USP34: variants seen among roughly 807,000 people sequenced by gnomAD.
USP34 encodes ubiquitin carboxyl-terminal hydrolase 34.
A neutral mutation model predicts 460.3 loss-of-function variants in USP34; 70 were observed. The observed-to-expected ratio is 0.15, with a 90% CI of 0.13 to 0.19. The LOEUF (loss-of-function observed/expected upper bound fraction) is 0.19. Among genes scored for constraint, USP34 ranks in the 10% least tolerant of loss-of-function variants. The pLI is 1.00. For missense variants in USP34, 3,985 were observed against 4,236.2 expected (o/e 0.94, Z 1.65); for synonymous variants, 1,647 against 1,405.3 (o/e 1.17, Z -3.85).
chr2:61,315,544 T>A (rs1024320513), intron 23 of USP34, among the ~76,000 whole-genome samples: 1 of 152,094 alleles, frequency 6.6e-6, no homozygotes. Flanking sequence ...TGGCTAATTT[T>A]TTTGTATTTT....
chr2:61,253,705 T>C (rs1365262109), intron 48 of USP34, among the ~76,000 whole-genome samples: 1 of 152,096 alleles, frequency 6.6e-6, no homozygotes, highest in Non-Finnish European at 1.5e-5. Flanking sequence ...CCAAGACTCT[T>C]TCTGGCTACT....
chr2:61,279,110 T>TA (rs1022360294), intron 39 of USP34, among the ~76,000 whole-genome samples: 2 of 151,690 alleles, frequency 1.3e-5, no homozygotes, highest in African/African-American at 4.8e-5. Context: ...TTTTTTTTTT[T>TA]AAAGTACAAT....
chr2:61,354,051 T>C (rs1159860936), intron 10 of USP34, among the ~76,000 whole-genome samples: 1 of 152,206 alleles, frequency 6.6e-6, no homozygotes, highest in African/African-American at 2.4e-5. Context: ...CACATTCATT[T>C]TGGAAATCCC....
At chr2:61,336,591 C>G (rs1272978592) in intron 18 of USP34, among the ~76,000 whole-genome samples, 1 of 151,554 alleles carries the variant, frequency 6.6e-6, no homozygotes, top group African/African-American at 2.4e-5. Context: ...AAGCAGATCA[C>G]TTGAGGTCGG....
At chr2:61,465,984 A>C (rs1230789202) in intron 1 of USP34, among the ~76,000 whole-genome samples, 1 of 151,980 alleles carries the variant, frequency 6.6e-6, no homozygotes, top group Admixed American at 6.6e-5. Flanking sequence ...CTCAAAAAAA[A>C]ATAAAATAAA....
intron 1 of USP34, among the ~76,000 whole-genome samples, chr2:61,451,145 C>G (rs548134025): frequency 1.4e-3 from 191 of 131,932 alleles, no homozygotes; most frequent in South Asian, 9.1e-3. Context: ...CACTTGAACC[C>G]GAGAGGTGGA....
intron 1 of USP34, among the ~76,000 whole-genome samples, chr2:61,469,261 A>C (rs1284270898): frequency 3.3e-5 from 5 of 152,206 alleles, no homozygotes; most frequent in African/African-American, 1.2e-4. Context: ...CTTGTTCCTC[A>C]TATTACATTG....
At chr2:61,314,058 A>G (rs1173898807) in intron 25 of USP34, among the ~76,000 whole-genome samples, 1 of 152,024 alleles carries the variant, frequency 6.6e-6, no homozygotes, top group African/African-American at 2.4e-5. Flanking sequence ...TGTATTACAC[A>G]GGTTATGTCT....
chr2:61,292,178 T>C (rs1250267912), intron 33 of USP34, among the ~76,000 whole-genome samples: 10 of 152,132 alleles, frequency 6.6e-5, no homozygotes, highest in Admixed American at 5.2e-4. Flanking sequence ...AGTACATTGA[T>C]TGCATGTTAA....
In USP34 at chr2:61,284,936, C is replaced by G; in HGVS notation, c.4771G>C (p.Gly1591Arg). ...ATAAGTCGCTGAATCAAACTGGTTC[C>G]TTGGACAAGAACAAGAAATACCTTT... ...LTEVFLVLVQ[G>R]TSLIQRLMSV... Residue 1591 changes from glycine (G) to arginine (R), a missense_variant, in exon 35 of 80, where the codon GGA (glycine) becomes CGA (arginine). Gly to Arg is a moderately radical substitution (Grantham distance 125). Around this residue, in one of 14 missense-constraint regions of USP34, gnomAD observed 1,114 missense variants for 1,122.5 expected, o/e 0.99. Transcript: ENST00000398571. The G allele has an allele frequency of 6.2e-7, 1 of 1,610,530 alleles. No homozygotes were observed. Among genetic ancestry groups the G allele is most frequent in the Non-Finnish European group, 8.5e-7 (1 of 1,178,674 alleles).
rs570687035 is a variant in USP34, at chr2:61,231,776, G to C, written c.7113+676C>G. 2.7e-5 allele frequency among the ~76,000 whole-genome samples: 4 copies of C among 149,670 alleles called. No individual in the cohort carries two copies. In the South Asian group the frequency reaches 8.4e-4, roughly 32 times the overall value. The stretch of plus-strand genomic sequence containing the variant: ...TGTGCGTGTAGTCCTACCTGCTGAG[G>C]CAAGAGGACTGCTTGTGACAGAGCA... On this transcript the variant is annotated intron_variant, in intron 58 of 79. Transcript: ENST00000398571.
chr2:61,340,714 T>C (rs1388190735), intron 16 of USP34, among the ~76,000 whole-genome samples: 2 of 152,208 alleles, frequency 1.3e-5, no homozygotes, highest in African/African-American at 4.8e-5. Flanking sequence ...TAGCCATGTG[T>C]ATACCTCTTT....
At chr2:61,250,248 G>A (rs921911172) in intron 48 of USP34, 1 of 180,098 alleles carries the variant, frequency 5.6e-6, no homozygotes, top group South Asian at 1.1e-4. Flanking sequence ...GTCTGAGGAA[G>A]GTTATATTGA....
intron 41 of USP34, among the ~76,000 whole-genome samples, chr2:61,269,557 C>G (rs1313246818): frequency 6.6e-6 from 1 of 151,872 alleles, no homozygotes; most frequent in Admixed American, 6.6e-5. Flanking sequence ...TCAATAATTT[C>G]CTGAATGTAT....
intron 29 of USP34, among the ~76,000 whole-genome samples, chr2:61,299,786 C>T (rs887700745): frequency 3.3e-5 from 5 of 152,088 alleles, no homozygotes; most frequent in Admixed American, 6.6e-5. Flanking sequence ...TAAATGGCAT[C>T]TTTATAGTGA....
At chr2:61,204,157 AT>A (rs1324728080) in intron 74 of USP34, 98 bp downstream of exon 74, 1 of 1,474,710 alleles carries the variant, frequency 6.8e-7, no homozygotes, top group East Asian at 2.3e-5. Context: ...GATCCACAAA[AT>A]TGGTCACTTA....
intron 20 of USP34, among the ~76,000 whole-genome samples, chr2:61,328,668 C>T (rs1691171253): frequency 6.6e-6 from 1 of 152,170 alleles, no homozygotes; most frequent in South Asian, 2.1e-4. Flanking sequence ...CCAAGGAGCC[C>T]TACTCCTTTT....
At chr2:61,364,116 C>T (rs1276667923) in intron 10 of USP34, among the ~76,000 whole-genome samples, 1 of 152,220 alleles carries the variant, frequency 6.6e-6, no homozygotes, top group Non-Finnish European at 1.5e-5. Flanking sequence ...TGGCTCACAC[C>T]TAAAATCCCC....
chr2:61,452,417 G>A (rs2442029), intron 1 of USP34, among the ~76,000 whole-genome samples: 4 of 147,288 alleles, frequency 2.7e-5, no homozygotes, highest in Non-Finnish European at 4.5e-5. Flanking sequence ...CTCGACCTCC[G>A]GGGTTCAAGA....
Sources: allele counts gnomAD v4.1 joint callset (sites outside exome capture counted in the v4.1 genomes callset), GRCh38; gene constraint gnomAD v4.1.1; regional missense constraint gnomAD v4.1.1; transcripts MANE v1.5; gene names NCBI Gene and HGNC (gene_info 2026-07-23, HGNC 2026-07-21).